Variants in PRKD1 observed in about 807,000 individuals in gnomAD.
PRKD1 encodes protein kinase D1.
A neutral mutation model predicts 95.9 loss-of-function variants in PRKD1; 63 were observed. That is an observed-to-expected ratio of 0.66 (90% CI 0.54 to 0.81). PRKD1 has a LOEUF of 0.81. Ranked by LOEUF, PRKD1 falls within the 30% of genes least tolerant of loss-of-function variation. The pLI, the probability that PRKD1 is intolerant of heterozygous loss-of-function variation, is 0.00. For synonymous variants in PRKD1, 425 were observed against 423.1 expected (o/e 1.00, Z -0.05); for missense variants, 1,048 against 1,165.3 (o/e 0.90, Z 1.47).
intron 12 of PRKD1, among the ~76,000 whole-genome samples, chr14:29,624,507 A>G (rs539057752): frequency 4.6e-5 from 7 of 152,256 alleles, no homozygotes; most frequent in African/African-American, 9.6e-5. Flanking sequence ...ACGTATCAAC[A>G]CCCTGTTTTT....
chr14:29,806,355 T>G (rs780481419), intron 1 of PRKD1, among the ~76,000 whole-genome samples: 1 of 152,148 alleles, frequency 6.6e-6, no homozygotes, highest in Admixed American at 6.5e-5. Flanking sequence ...GGCAATAGGC[T>G]TGGGAGAAGG....
At chr14:29,771,828 TAAG>T (rs1284523971) in intron 1 of PRKD1, among the ~76,000 whole-genome samples, 1 of 152,240 alleles carries the variant, frequency 6.6e-6, no homozygotes, top group East Asian at 1.9e-4. Flanking sequence ...ACATGGAATC[TAAG>T]AAGATTATTC....
At chr14:29,658,003 A>C (rs1881985316) in intron 4 of PRKD1, 2 of 152,218 alleles carry the variant, frequency 1.3e-5, no homozygotes, top group Admixed American at 1.3e-4. Flanking sequence ...TTCAGGGAAA[A>C]ATTACAACTT....
At chr14:29,761,814 A>T (rs1888003985) in intron 1 of PRKD1, among the ~76,000 whole-genome samples, 1 of 142,396 alleles carries the variant, frequency 7.0e-6, no homozygotes, top group African/African-American at 2.6e-5. Context: ...GCAAGGTCTC[A>T]ATCTGTTGCT....
chr14:29,681,973 A>G (rs1304748209), intron 2 of PRKD1, among the ~76,000 whole-genome samples: 2 of 152,226 alleles, frequency 1.3e-5, no homozygotes, highest in Non-Finnish European at 2.9e-5. Flanking sequence ...TATAGATAGC[A>G]ATTCTCAATT....
intron 1 of PRKD1, among the ~76,000 whole-genome samples, chr14:29,842,836 A>G (rs1891910403): frequency 6.6e-6 from 1 of 152,170 alleles, no homozygotes; most frequent in African/African-American, 2.4e-5. Context: ...TCCTGGGAGT[A>G]TGGACCAGGC....
chr14:29,907,150 T>C (rs1243195656), intron 1 of PRKD1, among the ~76,000 whole-genome samples: 1 of 152,220 alleles, frequency 6.6e-6, no homozygotes, highest in Non-Finnish European at 1.5e-5. Flanking sequence ...TCACTATCTT[T>C]AAATCTTTGA....
intron 1 of PRKD1, among the ~76,000 whole-genome samples, chr14:29,793,552 C>T (rs1209094842): frequency 6.6e-6 from 1 of 152,034 alleles, no homozygotes; most frequent in Non-Finnish European, 1.5e-5. Context: ...ATTTGGCTTG[C>T]ACAATTTGGT....
chr14:29,678,137 G>C (rs754063145), intron 2 of PRKD1, among the ~76,000 whole-genome samples: 18 of 151,982 alleles, frequency 1.2e-4, no homozygotes, highest in Admixed American at 4.6e-4. Flanking sequence ...TAAGCTTATT[G>C]ATTCCATTTT....
At chr14:29,713,555 T>A (rs1885440665) in intron 2 of PRKD1, among the ~76,000 whole-genome samples, 1 of 152,206 alleles carries the variant, frequency 6.6e-6, no homozygotes, top group South Asian at 2.1e-4. Flanking sequence ...CATTGTCAGT[T>A]ACTGACATTT....
chr14:29,787,976 C>T (rs1889350249), intron 1 of PRKD1, among the ~76,000 whole-genome samples: 1 of 152,000 alleles, frequency 6.6e-6, no homozygotes, highest in East Asian at 1.9e-4. Context: ...ACATTTGGCT[C>T]CTTTCTCTTT....
chr14:29,609,533 C>CACAT (rs1332942904), intron 13 of PRKD1, among the ~76,000 whole-genome samples: 2 of 143,908 alleles, frequency 1.4e-5, no homozygotes, highest in East Asian at 4.0e-4. Flanking sequence ...CACACACACA[C>CACAT]ACACATATAT....
At chr14:29,860,511 AT>A (rs1892672011) in intron 1 of PRKD1, among the ~76,000 whole-genome samples, 1 of 152,222 alleles carries the variant, frequency 6.6e-6, no homozygotes, top group Non-Finnish European at 1.5e-5. Context: ...ACATTGAGAT[AT>A]CACGTTAATT....
intron 1 of PRKD1, among the ~76,000 whole-genome samples, chr14:29,767,153 A>T (rs535842754): frequency 2.6e-4 from 39 of 152,122 alleles, no homozygotes; most frequent in African/African-American, 8.4e-4. Context: ...CTTCTCCTAC[A>T]ACAAAAAACC....
At chr14:29,620,117 C>A (rs892485858) in intron 13 of PRKD1, among the ~76,000 whole-genome samples, 4 of 151,172 alleles carry the variant, frequency 2.6e-5, no homozygotes, top group Non-Finnish European at 5.9e-5. Context: ...AACTGGCTAG[C>A]CATATGTAGA....
At chr14:29,604,043 T>C (rs917078073) in intron 13 of PRKD1, among the ~76,000 whole-genome samples, 2 of 152,154 alleles carry the variant, frequency 1.3e-5, no homozygotes, top group African/African-American at 2.4e-5. Context: ...CTAGAAAATG[T>C]GTATATAATC....
intron 2 of PRKD1, among the ~76,000 whole-genome samples, chr14:29,700,865 C>T (rs1170024439): frequency 6.6e-6 from 1 of 152,156 alleles, no homozygotes; most frequent in South Asian, 2.1e-4. Flanking sequence ...GCTACCCTAT[C>T]CTACAGATTT....
intron 2 of PRKD1, among the ~76,000 whole-genome samples, chr14:29,723,271 T>C (rs142834064): frequency 8.3e-4 from 126 of 152,160 alleles, no homozygotes; most frequent in African/African-American, 2.9e-3. Context: ...GTGACATAAA[T>C]AATTAAATGG....
chr14:29,653,718 G>T (rs7157709), intron 4 of PRKD1, among the ~76,000 whole-genome samples: 74,025 of 151,760 alleles, frequency 0.49, 19,711 homozygotes, highest in African/African-American at 0.71. Context: ...TTCTCCATGT[G>T]AAAAAAATCA....
Sources: gnomAD v4.1 joint callset for allele counts (sites outside exome capture counted in the v4.1 genomes callset) on GRCh38, gnomAD v4.1.1 for gene constraint, MANE v1.5 for transcripts, NCBI Gene and HGNC (gene_info 2026-07-23, HGNC 2026-07-21) for gene names.